Variants in MITF observed in about 807,000 individuals in gnomAD.
MITF encodes melanocyte inducing transcription factor.
MITF carries 17 observed loss-of-function variants against 60.5 expected under a neutral mutation model. The observed-to-expected ratio is 0.28, with a 90% CI of 0.19 to 0.42. MITF has a LOEUF of 0.42. Ranked by LOEUF, MITF falls within the 10% of genes least tolerant of loss-of-function variation. The pLI is 1.00. For synonymous variants in MITF, 260 were observed against 248.5 expected, an observed-to-expected ratio of 1.05 and a Z score of -0.43; for missense variants, 622 against 683.5, an observed-to-expected ratio of 0.91 and a Z score of 1.00.
At chr3:69,784,049 G>C (rs1051503867) in intron 1 of MITF, among the ~76,000 whole-genome samples, 1 of 151,966 alleles carries the variant, frequency 6.6e-6, no homozygotes, top group Admixed American at 6.5e-5. Flanking sequence ...TATTTTAATG[G>C]CTTGTGTTTT....
At chr3:69,924,211 A>C (rs1293595382) in intron 2 of MITF, among the ~76,000 whole-genome samples, 4 of 152,228 alleles carry the variant, frequency 2.6e-5, no homozygotes, top group Non-Finnish European at 5.9e-5. Flanking sequence ...TTGCTAGTTA[A>C]CAAGATGTTT....
At chr3:69,766,629 G>A (rs1575682454) in intron 1 of MITF, among the ~76,000 whole-genome samples, 1 of 152,108 alleles carries the variant, frequency 6.6e-6, no homozygotes, top group Admixed American at 6.5e-5. Flanking sequence ...TGGGAGGCCT[G>A]GTTGCAGACC....
intron 2 of MITF, among the ~76,000 whole-genome samples, chr3:69,910,312 A>G (rs1279680819): frequency 6.6e-6 from 1 of 152,204 alleles, no homozygotes; most frequent in African/African-American, 2.4e-5. Flanking sequence ...TGCTCAGGCA[A>G]AAGTTTGCTA....
At chr3:69,755,638 A>AT (rs1704117040) in intron 1 of MITF, among the ~76,000 whole-genome samples, 1 of 151,988 alleles carries the variant, frequency 6.6e-6, no homozygotes, top group Non-Finnish European at 1.5e-5. Context: ...GGAAAAAAAA[A>AT]GCAGAAAGGG....
intron 1 of MITF, among the ~76,000 whole-genome samples, chr3:69,754,074 A>G (rs140358685): frequency 1.6e-4 from 25 of 152,282 alleles, no homozygotes; most frequent in Middle Eastern, 6.8e-3. Context: ...GTAATCCCCA[A>G]TGTTGCAGGT....
rs1406016349 is a variant in MITF, at chr3:69,938,580, G to A, written c.583-518G>A. 3 of 1,383,336 alleles carry A rather than the reference G, an allele frequency of 2.2e-6. No homozygotes were observed. In the African/African-American group the frequency reaches 4.4e-5, roughly 20 times the overall value. 85.7% of individuals were successfully genotyped at this position (1,383,336 alleles called of 1,614,324 possible). A position where few individuals can be genotyped will look rare whatever the true frequency, so the allele number is the denominator to read the frequency against. On this transcript the variant is annotated intron_variant, in intron 3 of 9. Coordinates refer to ENST00000352241, the MANE Select transcript of MITF (RefSeq NM_001354604.2). ...ACGGAAACGCAAAGGTTTAATTGCT[G>A]GATACATTCTGTTTCATAATAAAAT...
chr3:69,950,447 G>GTT (rs1553703823), intron 6 of MITF, among the ~76,000 whole-genome samples: 4 of 75,140 alleles, frequency 5.3e-5, no homozygotes, highest in Non-Finnish European at 9.6e-5. Context: ...CAACTTCTGA[G>GTT]TTATATATAT....
rs963022182 is a variant in MITF, at chr3:69,806,578, G to A, written c.104+66877G>A. Among the ~76,000 whole-genome samples the A allele has an allele frequency of 3.9e-5, 6 of 152,040 alleles. 1 individual carries two copies. Among genetic ancestry groups the A allele is most frequent in the Admixed American group, 3.9e-4 (6 of 15,256 alleles). On this transcript the variant is annotated intron_variant, in intron 1 of 9. Coordinates refer to ENST00000352241, the MANE Select transcript of MITF (RefSeq NM_001354604.2). ...TCATAAGATTTATGGATCTTTAGAG[G>A]TGGGTCCTTGAACTCCAGTACTAAG...
At chr3:69,922,024 T>G (rs1039882950) in intron 2 of MITF, among the ~76,000 whole-genome samples, 1 of 152,226 alleles carries the variant, frequency 6.6e-6, no homozygotes, top group African/African-American at 2.4e-5. Flanking sequence ...CAAAACTGCC[T>G]GTACAGTTGA....
chr3:69,920,138 A>C (rs1444615483), intron 2 of MITF, among the ~76,000 whole-genome samples: 1 of 152,214 alleles, frequency 6.6e-6, no homozygotes, highest in East Asian at 1.9e-4. Context: ...TGTGACCAGA[A>C]GACAAGAGTG....
At chr3:69,916,391 C>T (rs1433132311) in intron 2 of MITF, among the ~76,000 whole-genome samples, 2 of 152,046 alleles carry the variant, frequency 1.3e-5, no homozygotes, top group African/African-American at 4.8e-5. Flanking sequence ...CTTCAGAACC[C>T]AGAAGGAAAT....
chr3:69,766,112 A>C (rs1376211139), intron 1 of MITF, among the ~76,000 whole-genome samples: 1 of 152,218 alleles, frequency 6.6e-6, no homozygotes, highest in Non-Finnish European at 1.5e-5. Flanking sequence ...ACAAGGTAAG[A>C]ATTGCAGATA....
In MITF at chr3:69,911,839, A is replaced by C. The variant is rs540673333; in HGVS notation, c.355-25983A>C. On this transcript the variant is annotated intron_variant, in intron 2 of 9. Coordinates refer to ENST00000352241, the MANE Select transcript of MITF (RefSeq NM_001354604.2). The stretch of plus-strand genomic sequence containing the variant: ...GCTAGTGAGAGCAAAGATGGTACAA[A>C]TACCTTGAAGAACAGTTTGGCAATA... 1.2e-4 allele frequency among the ~76,000 whole-genome samples: 18 copies of C among 152,320 alleles called. No individual in the cohort carries two copies. The South Asian group carries it at 3.5e-3, about 30-fold the overall frequency.
intron 1 of MITF, among the ~76,000 whole-genome samples, chr3:69,792,192 A>C (rs769612511): frequency 6.6e-6 from 1 of 152,236 alleles, no homozygotes; most frequent in Non-Finnish European, 1.5e-5. Context: ...AAACAAAGCC[A>C]ACTGAACTAA....
chr3:69,959,500 G>T, intron 9 of MITF, 80 bp downstream of exon 9: 1 of 1,552,074 alleles, frequency 6.4e-7, no homozygotes, highest in Non-Finnish European at 8.8e-7. Context: ...ATGAGCCATA[G>T]GGGAGTTGAC....
At chr3:69,865,780 C>A (rs1356559200) in intron 1 of MITF, among the ~76,000 whole-genome samples, 11 of 152,140 alleles carry the variant, frequency 7.2e-5, no homozygotes, top group Admixed American at 7.2e-4. Flanking sequence ...TGCACAGATG[C>A]AAAACACCTA....
chr3:69,894,325 T>A (rs1282899493), intron 2 of MITF, among the ~76,000 whole-genome samples: 2 of 152,222 alleles, frequency 1.3e-5, no homozygotes, highest in Non-Finnish European at 2.9e-5. Context: ...TCTAAGTGTT[T>A]TGATTCATTT....
intron 7 of MITF, among the ~76,000 whole-genome samples, chr3:69,954,048 C>A (rs757449091): frequency 6.6e-6 from 1 of 151,984 alleles, no homozygotes; most frequent in Non-Finnish European, 1.5e-5. Context: ...TTTAATACAC[C>A]TTTGTATTTT....
At chr3:69,870,149 T>TA (rs71126472) in intron 1 of MITF, among the ~76,000 whole-genome samples, 4,578 of 119,166 alleles carry the variant, frequency 0.038, 99 homozygotes, top group South Asian at 0.12. Flanking sequence ...TTTGAATTAA[T>TA]AAAAAAAACA....
Sources: gnomAD v4.1 joint callset for allele counts (sites outside exome capture counted in the v4.1 genomes callset) on GRCh38, gnomAD v4.1.1 for gene constraint, MANE v1.5 for transcripts, NCBI Gene and HGNC (gene_info 2026-07-23, HGNC 2026-07-21) for gene names.